Variants in MCTP1 observed in about 807,000 individuals in gnomAD.
The protein encoded by MCTP1 is multiple C2 and transmembrane domain containing 1, also known as multiple C2 and transmembrane domain-containing protein 1.
A neutral mutation model predicts 120.6 loss-of-function variants in MCTP1; 69 were observed. The observed-to-expected ratio is 0.57, with a 90% CI of 0.47 to 0.70. MCTP1 has a LOEUF of 0.70. Among genes scored for constraint, MCTP1 ranks in the 30% least tolerant of loss-of-function variants. The pLI, the probability that MCTP1 is intolerant of heterozygous loss-of-function variation, is 0.00. For missense variants in MCTP1, 1,203 were observed against 1,248.8 expected, an observed-to-expected ratio of 0.96 and a Z score of 0.55; for synonymous variants, 529 against 493.1, an observed-to-expected ratio of 1.07 and a Z score of -0.96.
At chr5:95,098,469 C>T (rs1044377011) in intron 1 of MCTP1, among the ~76,000 whole-genome samples, 5 of 152,102 alleles carry the variant, frequency 3.3e-5, no homozygotes, top group Non-Finnish European at 7.3e-5. Context: ...CATTCTTATA[C>T]ACCAATAACA....
At chr5:94,885,276 C>G (rs1311533525) in intron 12 of MCTP1, among the ~76,000 whole-genome samples, 1 of 149,022 alleles carries the variant, frequency 6.7e-6, no homozygotes, top group Admixed American at 6.7e-5. Flanking sequence ...CCTGGGGAAG[C>G]TATGACCTCT....
At chr5:94,995,319 G>T (rs573103346) in intron 2 of MCTP1, among the ~76,000 whole-genome samples, 3 of 152,312 alleles carry the variant, frequency 2.0e-5, no homozygotes, top group East Asian at 1.9e-4. Flanking sequence ...TGGGGCCCAA[G>T]AATTCACAAG....
At chr5:94,925,621 G>A (rs1344434228) in intron 6 of MCTP1, among the ~76,000 whole-genome samples, 1 of 152,152 alleles carries the variant, frequency 6.6e-6, no homozygotes, top group African/African-American at 2.4e-5. Context: ...GTGTTAGCCA[G>A]AATGGTCTCA....
At chr5:94,924,300 T>C (rs1234803933) in intron 6 of MCTP1, among the ~76,000 whole-genome samples, 2 of 152,116 alleles carry the variant, frequency 1.3e-5, no homozygotes, top group African/African-American at 2.4e-5. Flanking sequence ...TGATGGTTTA[T>C]TATAGAAAGT....
intron 1 of MCTP1, among the ~76,000 whole-genome samples, chr5:95,050,517 G>A (rs897687097): frequency 3.3e-5 from 5 of 152,144 alleles, no homozygotes; most frequent in Admixed American, 1.3e-4. Context: ...TTGCTTGTTG[G>A]GGGCACTGCT....
At chr5:94,848,267 T>C (rs1792926131) in intron 17 of MCTP1, among the ~76,000 whole-genome samples, 1 of 152,100 alleles carries the variant, frequency 6.6e-6, no homozygotes. Context: ...CATTAAGAAA[T>C]AAAGAAGCGT....
chr5:95,131,924 C>T lies in MCTP1; in HGVS notation c.721-114440G>A, dbSNP rs534167149. Among the ~76,000 whole-genome samples the T allele has an allele frequency of 3.9e-5, 6 of 152,196 alleles. No individual in the cohort carries two copies. The South Asian group carries it at 1.2e-3, about 32-fold the overall frequency. On this transcript the variant is annotated intron_variant, in intron 1 of 22. Coordinates refer to ENST00000515393, the MANE Select transcript of MCTP1 (RefSeq NM_024717.7). ...CACCTTGGGGACTCTAGGCTTATTCCAATTATGCTATTACTCAAAAATATT... is the reference window on the plus strand; with the variant it reads ...CACCTTGGGGACTCTAGGCTTATTCTAATTATGCTATTACTCAAAAATATT...
intron 1 of MCTP1, among the ~76,000 whole-genome samples, chr5:95,121,888 C>T (rs574634401): frequency 5.8e-4 from 82 of 141,966 alleles, no homozygotes; most frequent in Non-Finnish European, 8.6e-4. Context: ...TCTGGGGAAA[C>T]GACAGCCTCT....
In MCTP1 at chr5:95,070,017, G is replaced by C. The variant is rs1034736766; in HGVS notation, c.721-52533C>G. Among the ~76,000 whole-genome samples the C allele has an allele frequency of 2.6e-5, 4 of 152,112 alleles. No homozygotes were observed. In the South Asian group the frequency reaches 8.3e-4, roughly 31 times the overall value. ...CGTGCCCGGCCGACCCTCCCTTTCT[G>C]TAAGTGCTGCCAGCAGCTTGGAAAT... On this transcript the variant is annotated intron_variant, in intron 1 of 22. Coordinates refer to ENST00000515393, the MANE Select transcript of MCTP1 (RefSeq NM_024717.7).
chr5:94,949,007 A>G (rs181071034), intron 3 of MCTP1, among the ~76,000 whole-genome samples: 9 of 152,112 alleles, frequency 5.9e-5, no homozygotes, highest in African/African-American at 1.9e-4. Flanking sequence ...GAAATGTCCA[A>G]TTTTTTAAAA....
At position 95,054,600 on chromosome 5, in the gene MCTP1, T is replaced by C. The variant is rs2152036582; in HGVS notation, c.721-37116A>G. On this transcript the variant is annotated intron_variant, in intron 1 of 22. Transcript: ENST00000515393. ...CAGACTCATTTTTGATGTTCCATGC[T>C]TTACAGGAGCAGAGGTCCCCCCTAC... Among the ~76,000 whole-genome samples the C allele has an allele frequency of 2.0e-5, 3 of 152,266 alleles. No homozygotes were observed. In the South Asian group the frequency reaches 6.2e-4, roughly 32 times the overall value.
chr5:94,813,276 C>T (rs1783821274), intron 17 of MCTP1, among the ~76,000 whole-genome samples: 1 of 152,168 alleles, frequency 6.6e-6, no homozygotes, highest in Non-Finnish European at 1.5e-5. Flanking sequence ...GATACCACTT[C>T]ACACCCACTA....
At chr5:94,870,367 C>T (rs1265647745) in intron 16 of MCTP1, 50 bp downstream of exon 16, 2 of 1,218,174 alleles carry the variant, frequency 1.6e-6, no homozygotes, top group Non-Finnish European at 2.4e-6. Context: ...AGATGTTTTA[C>T]AGATATAATC....
chr5:94,962,294 G>A (rs1824456074), intron 2 of MCTP1, among the ~76,000 whole-genome samples: 1 of 151,900 alleles, frequency 6.6e-6, no homozygotes, highest in Non-Finnish European at 1.5e-5. Context: ...CCACTACGGG[G>A]TATCTGCCCA....
At position 95,038,907 on chromosome 5, in the gene MCTP1, C is replaced by T. The variant is rs560455763; in HGVS notation, c.721-21423G>A. Among the ~76,000 whole-genome samples the T allele has an allele frequency of 3.9e-5, 6 of 152,238 alleles. No individual in the cohort carries two copies. The South Asian group carries it at 1.0e-3, about 26-fold the overall frequency. Reference sequence around the variant, plus strand: ...CCTCAAGCAAATAACTTACCCTCTTCGACCCTCAATTCCTCATCTGTAGTA... The same window carrying T: ...CCTCAAGCAAATAACTTACCCTCTTTGACCCTCAATTCCTCATCTGTAGTA... On this transcript the variant is annotated intron_variant, in intron 1 of 22. Coordinates refer to ENST00000515393, the MANE Select transcript of MCTP1 (RefSeq NM_024717.7).
chr5:94,710,912 A>G lies in MCTP1; in HGVS notation c.2736T>C (p.Thr912=), dbSNP rs1450802056. The stretch of plus-strand genomic sequence containing the variant: ...TGGCCAGCCAGCTTAAGAATGGGAC[A>G]GTCCAGTTGAAAGTACTGAATGGAA... ...GERIKNTFNW[T]VPFLSWLAIV... The change falls in exon 21 of 23, where the codon ACT becomes ACC. Residue 912 remains threonine, a synonymous_variant. Transcript: ENST00000515393. 6.2e-7 allele frequency: 1 copy of G among 1,611,922 alleles called. No individual in the cohort carries two copies.
chr5:95,014,115 A>C (rs143986987), intron 2 of MCTP1, among the ~76,000 whole-genome samples: 1 of 152,038 alleles, frequency 6.6e-6, no homozygotes, highest in African/African-American at 2.4e-5. Context: ...AAGAAAAAAA[A>C]TAGCCGGGCA....
chr5:94,808,420 T>C (rs1580794501), intron 17 of MCTP1, among the ~76,000 whole-genome samples: 1 of 152,336 alleles, frequency 6.6e-6, no homozygotes, highest in East Asian at 1.9e-4. Context: ...AGGGAATTGA[T>C]GACTACCTTA....
intron 17 of MCTP1, among the ~76,000 whole-genome samples, chr5:94,827,813 G>C (rs534364895): frequency 1.3e-5 from 2 of 151,576 alleles, no homozygotes; most frequent in African/African-American, 4.8e-5. Flanking sequence ...TTTCAGCTCC[G>C]TCAGGTCATT....
Sources: gnomAD v4.1 joint callset for allele counts (sites outside exome capture counted in the v4.1 genomes callset) on GRCh38, gnomAD v4.1.1 for gene constraint, MANE v1.5 for transcripts, NCBI Gene and HGNC (gene_info 2026-07-23, HGNC 2026-07-21) for gene names.